The following CFAP77 variants were observed in gnomAD, a reference collection of about 807,000 sequenced individuals.
CFAP77 encodes the protein cilia- and flagella-associated protein 77.
CFAP77 carries 25 observed loss-of-function variants against 31.1 expected under a neutral mutation model. The ratio of observed to expected loss-of-function variants is 0.80; its 90% confidence interval spans 0.59 to 1.12. The LOEUF (loss-of-function observed/expected upper bound fraction) is 1.12, where lower values mean the gene tolerates loss of function less well. CFAP77 is among the 50% of genes most tolerant of loss of function. The pLI is 0.00. For synonymous variants in CFAP77, 151 were observed against 159.9 expected, an observed-to-expected ratio of 0.94 and a Z score of 0.42; for missense variants, 377 against 397.3, an observed-to-expected ratio of 0.95 and a Z score of 0.44.
intron 1 of CFAP77, among the ~76,000 whole-genome samples, chr9:132,491,234 G>A (rs1022303442): frequency 3.9e-5 from 6 of 152,314 alleles, no homozygotes; most frequent in South Asian, 2.1e-4. Flanking sequence ...TTGGGAGGCC[G>A]AAGCGGGCAG....
At chr9:132,493,099 T>C (rs1289855382) in intron 1 of CFAP77, among the ~76,000 whole-genome samples, 1 of 152,240 alleles carries the variant, frequency 6.6e-6, no homozygotes, top group South Asian at 2.1e-4. Context: ...CAGGAACCCC[T>C]GGGGTTTCCT....
rs1423851217 is a variant in CFAP77 at position 132,424,418 on chromosome 9, A to T, written c.195+13952A>T. Among the ~76,000 whole-genome samples, 1 of 151,418 alleles carries T rather than the reference A, an allele frequency of 6.6e-6. No individual in the cohort carries two copies. The highest frequency in any genetic ancestry group is 2.4e-5 in the African/African-American group (1 of 41,280). ...CTCCATCTCAAAACAAAAAAAAAAG[A>T]GTTAGGAAGAGGGAGCAGCCCTGGC... On this transcript the variant is annotated intron_variant, in intron 1 of 5. Coordinates refer to ENST00000393216, the MANE Select transcript of CFAP77 (RefSeq NM_001282957.2). This position sits in a 1 kb window ranked among gnomAD's most constrained non-coding sequence, Gnocchi z 4.1.
At chr9:132,525,874 G>C (rs766141927) in intron 3 of CFAP77, among the ~76,000 whole-genome samples, 2 of 152,170 alleles carry the variant, frequency 1.3e-5, no homozygotes, top group Non-Finnish European at 2.9e-5. Context: ...GAGTTCATCT[G>C]AGATGTTGCA....
chr9:132,438,112 G>T (rs1366410334), intron 1 of CFAP77, among the ~76,000 whole-genome samples: 2 of 148,200 alleles, frequency 1.3e-5, no homozygotes, highest in African/African-American at 2.5e-5. Flanking sequence ...TGAGGCAGGA[G>T]CATCACTTGA....
intron 1 of CFAP77, among the ~76,000 whole-genome samples, chr9:132,438,213 A>AAG (rs1554735591): frequency 1.1e-4 from 17 of 150,560 alleles, no homozygotes; most frequent in African/African-American, 3.9e-4. Flanking sequence ...AAAAAAAAAA[A>AAG]AAAAAAAAGA....
At chr9:132,469,402 C>T (rs190996631) in intron 1 of CFAP77, among the ~76,000 whole-genome samples, 23 of 152,290 alleles carry the variant, frequency 1.5e-4, no homozygotes, top group African/African-American at 2.4e-4. Context: ...ATCTCCTGTG[C>T]GTGTGGATTA....
intron 3 of CFAP77, among the ~76,000 whole-genome samples, chr9:132,519,329 T>A (rs1175657947): frequency 7.1e-6 from 1 of 140,134 alleles, no homozygotes; most frequent in Non-Finnish European, 1.5e-5. Flanking sequence ...AATGAATGGA[T>A]GGATGGATGG....
intron 1 of CFAP77, among the ~76,000 whole-genome samples, chr9:132,435,613 A>C (rs1378517491): frequency 2.6e-5 from 4 of 152,236 alleles, no homozygotes; most frequent in African/African-American, 7.2e-5. Flanking sequence ...GAGTTAAAGA[A>C]GCTTCATCGA....
In CFAP77 at chr9:132,566,692, C is replaced by T. The variant is rs1217655959; in HGVS notation, c.733-5696C>T. Among the ~76,000 whole-genome samples the T allele has an allele frequency of 5.9e-5, 9 of 152,272 alleles. No individual in the cohort carries two copies. In the East Asian group the frequency reaches 1.4e-3, roughly 23 times the overall value. On this transcript the variant is annotated intron_variant, in intron 5 of 5. Coordinates refer to ENST00000393216, the MANE Select transcript of CFAP77 (RefSeq NM_001282957.2). ...CCCACCTGAGGTGGACACTTTTGCT[C>T]GAGTTCGCTTTCAGTAGAGTCTGCC...
chr9:132,456,382 C>T (rs1394036199), intron 1 of CFAP77, among the ~76,000 whole-genome samples: 1 of 152,182 alleles, frequency 6.6e-6, no homozygotes, highest in African/African-American at 2.4e-5. Context: ...CTTCAGCCAG[C>T]GCTTGACTCA....
chr9:132,454,142 C>T (rs1250127516), intron 1 of CFAP77, among the ~76,000 whole-genome samples: 1 of 151,848 alleles, frequency 6.6e-6, no homozygotes, highest in Non-Finnish European at 1.5e-5. Context: ...TGCCATTGTA[C>T]TTCTTGGCTA....
intron 1 of CFAP77, among the ~76,000 whole-genome samples, chr9:132,449,092 T>A (rs557163665): frequency 3.3e-5 from 5 of 152,080 alleles, no homozygotes; most frequent in African/African-American, 1.2e-4. Flanking sequence ...AGTCTGGAGG[T>A]CAGTTTACAA....
intron 1 of CFAP77, among the ~76,000 whole-genome samples, chr9:132,460,013 C>T (rs1263232892): frequency 6.6e-6 from 1 of 152,084 alleles, no homozygotes; most frequent in Non-Finnish European, 1.5e-5. Flanking sequence ...TCCTGACATC[C>T]AGGTCTTCAT....
intron 1 of CFAP77, among the ~76,000 whole-genome samples, chr9:132,491,583 C>G (rs995142174): frequency 3.3e-5 from 5 of 152,222 alleles, no homozygotes; most frequent in African/African-American, 9.6e-5. Flanking sequence ...CCTGCACAGT[C>G]GTAGGAGGGG....
intron 1 of CFAP77, among the ~76,000 whole-genome samples, chr9:132,433,098 C>T (rs181945987): frequency 5.3e-4 from 81 of 152,278 alleles, no homozygotes; most frequent in African/African-American, 1.8e-3. Context: ...ATCCACCCCA[C>T]CTTGGCCTCC....
At chr9:132,488,810 G>C (rs1190227826) in intron 1 of CFAP77, among the ~76,000 whole-genome samples, 1 of 152,234 alleles carries the variant, frequency 6.6e-6, no homozygotes, top group Admixed American at 6.5e-5. Flanking sequence ...GGAGGAAGCT[G>C]ATATTGCAGG....
intron 3 of CFAP77, among the ~76,000 whole-genome samples, chr9:132,502,901 C>T (rs552221267): frequency 4.6e-5 from 7 of 152,242 alleles, no homozygotes; most frequent in Non-Finnish European, 7.4e-5. Flanking sequence ...CAGCATGTGC[C>T]GTGTATGCTT....
At chr9:132,548,286 G>GGC (rs1564248924) in intron 5 of CFAP77, among the ~76,000 whole-genome samples, 1 of 129,002 alleles carries the variant, frequency 7.8e-6, no homozygotes, top group Non-Finnish European at 1.6e-5. Flanking sequence ...GGGGGGTGGG[G>GGC]GGTGAAGCTG....
At chr9:132,470,736 C>T (rs1010935863) in intron 1 of CFAP77, among the ~76,000 whole-genome samples, 2 of 152,210 alleles carry the variant, frequency 1.3e-5, no homozygotes, top group Non-Finnish European at 2.9e-5. Context: ...TGGCCGGGCA[C>T]GGTGGCTTAC....
Sources: gnomAD v4.1 joint callset for allele counts (sites outside exome capture counted in the v4.1 genomes callset) on GRCh38, gnomAD v4.1.1 for gene constraint, Gnocchi (gnomAD v3.1) non-coding constraint, MANE v1.5 for transcripts, NCBI Gene and HGNC (gene_info 2026-07-23, HGNC 2026-07-21) for gene names.